TRPM3: variants seen among roughly 807,000 people sequenced by gnomAD.
TRPM3 encodes the protein long transient receptor potential channel 3.
Under a neutral mutation model 181.2 loss-of-function variants are expected in TRPM3, and 77 were observed. That is an observed-to-expected ratio of 0.42 (90% CI 0.35 to 0.51). The LOEUF is 0.51. Ranked by LOEUF, TRPM3 falls within the 20% of genes least tolerant of loss-of-function variation. The probability of loss-of-function intolerance (pLI) is 0.01; values close to 1 mark genes in which losing one functional copy is unlikely to be tolerated. For missense variants in TRPM3, 1,759 were observed against 2,196.7 expected, an observed-to-expected ratio of 0.80 and a Z score of 3.98; for synonymous variants, 745 against 796.4, an observed-to-expected ratio of 0.94 and a Z score of 1.09.
At chr9:70,762,249 C>G (rs2078278374) in intron 7 of TRPM3, among the ~76,000 whole-genome samples, 3 of 152,184 alleles carry the variant, frequency 2.0e-5, no homozygotes, top group South Asian at 2.1e-4. Context: ...TAGGCAGCAG[C>G]CTGTCTGGCC....
rs1231878757 is a variant in TRPM3 at position 70,534,968 on chromosome 9, C to T, written c.*985G>A. The T allele has an allele frequency of 6.5e-6, 1 of 153,240 alleles. No homozygotes were observed. Among genetic ancestry groups the T allele is most frequent in the Admixed American group, 6.5e-5 (1 of 15,440 alleles). 9.5% of individuals were successfully genotyped at this position (153,240 alleles called of 1,614,324 possible). A position where few individuals can be genotyped will look rare whatever the true frequency, so the allele number is the denominator to read the frequency against. ...TGATGACGGTCACACAGCAGCACAA[C>T]ACACGACATGAACGGTGAGAACAGA... On this transcript the variant is annotated 3_prime_UTR_variant, in exon 26 of 26. Transcript: ENST00000677713.
chr9:71,262,524 C>T (rs1238548555), intron 1 of TRPM3, among the ~76,000 whole-genome samples: 2 of 152,140 alleles, frequency 1.3e-5, no homozygotes, highest in African/African-American at 4.8e-5. Flanking sequence ...AGGGAGTGAA[C>T]AGTTCTATCT....
chr9:70,907,950 C>A (rs1051557731), intron 1 of TRPM3, among the ~76,000 whole-genome samples: 1 of 152,106 alleles, frequency 6.6e-6, no homozygotes, highest in Admixed American at 6.6e-5. Context: ...TTATCCAATC[C>A]ACAACTGATG....
intron 6 of TRPM3, among the ~76,000 whole-genome samples, chr9:70,810,731 T>C (rs1010141086): frequency 6.6e-6 from 1 of 152,170 alleles, no homozygotes; most frequent in Non-Finnish European, 1.5e-5. Flanking sequence ...AGAAAGTATT[T>C]TGGAATTATG....
chr9:70,933,816 C>T (rs1311592907), intron 1 of TRPM3, among the ~76,000 whole-genome samples: 2 of 151,392 alleles, frequency 1.3e-5, no homozygotes, highest in South Asian at 4.2e-4. Flanking sequence ...AGAGAAAAGG[C>T]ATAACTTATA....
chr9:71,087,993 G>A (rs957796126), intron 1 of TRPM3, among the ~76,000 whole-genome samples: 3 of 151,944 alleles, frequency 2.0e-5, no homozygotes, highest in African/African-American at 7.2e-5. Context: ...CCCTTACATT[G>A]TTATTTATGC....
intron 25 of TRPM3, among the ~76,000 whole-genome samples, chr9:70,546,234 A>G (rs1275203543): frequency 6.6e-6 from 1 of 152,196 alleles, no homozygotes; most frequent in East Asian, 1.9e-4. Context: ...AGTGGTTATT[A>G]AAGTATGGTT....
At chr9:70,929,090 C>G (rs2096749349) in intron 1 of TRPM3, among the ~76,000 whole-genome samples, 1 of 152,098 alleles carries the variant, frequency 6.6e-6, no homozygotes. Flanking sequence ...GTTGTTCTAG[C>G]CATCCTCATA....
intron 1 of TRPM3, among the ~76,000 whole-genome samples, chr9:71,380,990 C>A (rs1044284878): frequency 6.6e-6 from 1 of 151,098 alleles, no homozygotes; most frequent in Non-Finnish European, 1.5e-5. Flanking sequence ...CCTGTATCCA[C>A]TGGAAGGATA....
chr9:70,873,648 T>C (rs13293998), intron 1 of TRPM3, among the ~76,000 whole-genome samples: 39,380 of 151,838 alleles, frequency 0.26, 5,257 homozygotes, highest in East Asian at 0.36. Context: ...GCATGAAACA[T>C]TGTGTTCCTT....
intron 22 of TRPM3, among the ~76,000 whole-genome samples, chr9:70,585,348 C>T (rs1172489973): frequency 6.6e-6 from 1 of 152,050 alleles, no homozygotes; most frequent in East Asian, 1.9e-4. Context: ...CTACTTGTGC[C>T]CGCTGGTAAG....
At chr9:71,091,510 T>C (rs546251124) in intron 1 of TRPM3, among the ~76,000 whole-genome samples, 12 of 152,076 alleles carry the variant, frequency 7.9e-5, no homozygotes, top group Non-Finnish European at 1.8e-4. Flanking sequence ...AATACAATGA[T>C]ATGAATTTGG....
At chr9:71,266,477 A>G (rs889793272) in intron 1 of TRPM3, among the ~76,000 whole-genome samples, 1 of 152,100 alleles carries the variant, frequency 6.6e-6, no homozygotes, top group Admixed American at 6.6e-5. Flanking sequence ...TTGTCCAGTA[A>G]TCCTTCCAAG....
At chr9:71,168,307 G>C (rs971434604) in intron 1 of TRPM3, among the ~76,000 whole-genome samples, 3 of 151,962 alleles carry the variant, frequency 2.0e-5, no homozygotes, top group African/African-American at 7.2e-5. Context: ...GTACTTGTTA[G>C]TATCAAAGAA....
intron 1 of TRPM3, among the ~76,000 whole-genome samples, chr9:71,213,032 G>A (rs1463429293): frequency 6.6e-6 from 1 of 152,166 alleles, no homozygotes; most frequent in Non-Finnish European, 1.5e-5. Context: ...AGAGCAGTGT[G>A]AGTTTTATGG....
chr9:71,421,323 C>G (rs987701004), intron 1 of TRPM3, among the ~76,000 whole-genome samples: 5 of 151,576 alleles, frequency 3.3e-5, no homozygotes, highest in Middle Eastern at 3.4e-3. Flanking sequence ...AGTATACCCA[C>G]GTAACAAACC....
intron 5 of TRPM3, among the ~76,000 whole-genome samples, chr9:70,839,734 A>G (rs931889831): frequency 1.3e-5 from 2 of 152,184 alleles, no homozygotes; most frequent in Non-Finnish European, 2.9e-5. Flanking sequence ...ATTCTGGAGT[A>G]TAAACAGACT....
intron 1 of TRPM3, among the ~76,000 whole-genome samples, chr9:71,236,409 C>T (rs946372250): frequency 6.6e-6 from 1 of 152,114 alleles, no homozygotes; most frequent in Non-Finnish European, 1.5e-5. Flanking sequence ...TCTCCCCACA[C>T]CACCCTCTAC....
chr9:71,031,975 T>TATATATATA (rs1554806594), intron 1 of TRPM3, among the ~76,000 whole-genome samples: 2 of 7,930 alleles, frequency 2.5e-4, no homozygotes. Context: ...ATATATATTA[T>TATATATATA]ATATATATAT....
Sources: allele counts gnomAD v4.1 joint callset (sites outside exome capture counted in the v4.1 genomes callset), GRCh38; gene constraint gnomAD v4.1.1; transcripts MANE v1.5; gene names NCBI Gene and HGNC (gene_info 2026-07-23, HGNC 2026-07-21).